Variants in ST3GAL3 observed in about 807,000 individuals in gnomAD.
ST3GAL3 encodes CMP-N-acetylneuraminate-beta-1,4-galactoside alpha-2,3-sialyltransferase.
A neutral mutation model predicts 50.1 loss-of-function variants in ST3GAL3; 21 were observed. The ratio of observed to expected loss-of-function variants is 0.42; its 90% CI spans 0.30 to 0.60. The LOEUF is 0.60. Among genes scored for constraint, ST3GAL3 ranks in the 20% least tolerant of loss-of-function variants. ST3GAL3 has a pLI of 0.19. For synonymous variants in ST3GAL3, 183 were observed against 190.0 expected (o/e 0.96, Z 0.30); for missense variants, 353 against 489.4 (o/e 0.72, Z 2.63).
At chr1:43,855,479 G>A (rs1396346168) in intron 5 of ST3GAL3, among the ~76,000 whole-genome samples, 1 of 151,988 alleles carries the variant, frequency 6.6e-6, no homozygotes, top group Non-Finnish European at 1.5e-5. Flanking sequence ...TCATGGTGGT[G>A]GGCACCTGTA....
At chr1:43,858,187 C>T (rs2068993261) in intron 5 of ST3GAL3, 12 of 1,289,370 alleles carry the variant, frequency 9.3e-6, no homozygotes, top group African/African-American at 1.5e-5. Flanking sequence ...ATATGTGCTC[C>T]GCCAGAGGTG....
chr1:43,917,348 ATTC>A lies in ST3GAL3; in HGVS notation c.745-3052_745-3050del, dbSNP rs1019544294. On this transcript the variant is annotated intron_variant, in intron 9 of 11. Coordinates refer to ENST00000347631, the MANE Select transcript of ST3GAL3 (RefSeq NM_006279.5). ...TACCCATTTTTATGAGGCCTCACTG[ATTC>A]TTCATGAGTTTTTAAAATATGCATT... 9.7e-5 allele frequency among the ~76,000 whole-genome samples: 14 copies of A among 144,916 alleles called. 1 individual carries two copies. The highest frequency in any genetic ancestry group is 3.0e-4 in the Admixed American group (4 of 13,502).
chr1:43,917,404 C>G (rs1374258033), intron 9 of ST3GAL3, among the ~76,000 whole-genome samples: 1 of 126,198 alleles, frequency 7.9e-6, no homozygotes, highest in Non-Finnish European at 1.6e-5. Flanking sequence ...AAATTTTTAC[C>G]ACTTTTTTGT....
At chr1:43,719,865 G>A (rs774826374) in intron 1 of ST3GAL3, among the ~76,000 whole-genome samples, 2 of 148,420 alleles carry the variant, frequency 1.3e-5, no homozygotes, top group Non-Finnish European at 3.0e-5. Flanking sequence ...ACTGAGAGGC[G>A]GAGGTTTCAG....
intron 1 of ST3GAL3, among the ~76,000 whole-genome samples, chr1:43,716,897 G>C (rs1288349081): frequency 6.6e-6 from 1 of 152,180 alleles, no homozygotes; most frequent in Non-Finnish European, 1.5e-5. Flanking sequence ...GGCCTGGGCT[G>C]TTATAATGGC....
chr1:43,725,641 TTTAA>T (rs1021989816), intron 1 of ST3GAL3, among the ~76,000 whole-genome samples: 5 of 152,256 alleles, frequency 3.3e-5, no homozygotes, highest in African/African-American at 9.6e-5. Flanking sequence ...TCTTATTAAA[TTTAA>T]TTAATTAATT....
At chr1:43,924,083 C>T (rs1360335504) in intron 11 of ST3GAL3, among the ~76,000 whole-genome samples, 3 of 152,168 alleles carry the variant, frequency 2.0e-5, no homozygotes, top group African/African-American at 7.2e-5. Flanking sequence ...TTTATTCCAA[C>T]TACCTCAAGT....
At position 43,756,230 on chromosome 1, in the gene ST3GAL3, AAAG is replaced by A. The variant is rs950589481; in HGVS notation, c.118+19851_118+19853del. On this transcript the variant is annotated intron_variant, in intron 2 of 11. Coordinates refer to ENST00000347631, the MANE Select transcript of ST3GAL3 (RefSeq NM_006279.5). ...GAACAAAAGAAATCCTACATTTAAA[AAAG>A]TACATATTGTATGGCACCATGTATG... is the stretch of plus-strand genomic sequence containing the variant. Among the ~76,000 whole-genome samples the A allele has an allele frequency of 7.5e-4, 114 of 152,304 alleles. 1 individual carries two copies. Among genetic ancestry groups the A allele is most frequent in the African/African-American group, 2.6e-3 (110 of 41,576 alleles).
intron 2 of ST3GAL3, among the ~76,000 whole-genome samples, chr1:43,763,926 G>A (rs4660261): frequency 0.69 from 104,988 of 152,078 alleles, 36,588 homozygotes; most frequent in Non-Finnish European, 0.73. Context: ...TTACAACATA[G>A]TGGAACATAA....
intron 3 of ST3GAL3, among the ~76,000 whole-genome samples, chr1:43,813,377 C>T (rs1057411587): frequency 3.3e-5 from 5 of 152,132 alleles, no homozygotes; most frequent in Admixed American, 6.6e-5. Flanking sequence ...TTGTATTTTT[C>T]GTTTTATTTT....
At chr1:43,832,718 T>G (rs1366837004) in intron 4 of ST3GAL3, among the ~76,000 whole-genome samples, 1 of 152,004 alleles carries the variant, frequency 6.6e-6, no homozygotes, top group Non-Finnish European at 1.5e-5. Context: ...AAAAAAAAAT[T>G]AAAGTGAAAA....
At chr1:43,813,436 A>C (rs1573429146) in intron 3 of ST3GAL3, among the ~76,000 whole-genome samples, 1 of 152,032 alleles carries the variant, frequency 6.6e-6, no homozygotes, top group Admixed American at 6.6e-5. Flanking sequence ...TAAGTTCTTG[A>C]TATGTTAAGG....
chr1:43,840,097 T>G (rs2065123414), intron 5 of ST3GAL3: 1 of 151,644 alleles, frequency 6.6e-6, no homozygotes, highest in African/African-American at 2.4e-5. Flanking sequence ...GGTGCGATCT[T>G]GGCTCACTGC....
intron 5 of ST3GAL3, chr1:43,851,710 G>A: frequency 1.6e-6 from 2 of 1,285,130 alleles, no homozygotes; most frequent in East Asian, 2.3e-5. Context: ...CATCCTTGTG[G>A]GCCCTGTTGA....
intron 11 of ST3GAL3, among the ~76,000 whole-genome samples, chr1:43,929,369 A>T (rs1281993943): frequency 6.6e-6 from 1 of 151,544 alleles, no homozygotes; most frequent in Non-Finnish European, 1.5e-5. Flanking sequence ...CAGTGGCGCG[A>T]TCTCGGCTCA....
Position 43,838,154 on chromosome 1 carries a change from A to C in ST3GAL3, c.210-65A>C, listed in dbSNP as rs1193678898. On this transcript the variant is annotated intron_variant, in intron 4 of 11. Transcript: ENST00000347631. Reference sequence around the variant, plus strand: ...AAGGGTTAAACACCTACAGCTCCTTATGAATTAATAACCCACTCAGTGCTC... The same window carrying C: ...AAGGGTTAAACACCTACAGCTCCTTCTGAATTAATAACCCACTCAGTGCTC... 7 of 992,240 alleles carry C rather than the reference A, an allele frequency of 7.1e-6. No individual in the cohort carries two copies. The East Asian group carries it at 1.6e-4, about 23-fold the overall frequency. 61.5% of individuals were successfully genotyped at this position (992,240 alleles called of 1,614,324 possible). A position where few individuals can be genotyped will look rare whatever the true frequency, so the allele number is the denominator to read the frequency against.
At chr1:43,894,545 G>GGCTA in intron 6 of ST3GAL3, 68 bp downstream of exon 6, 2 of 1,421,126 alleles carry the variant, frequency 1.4e-6, no homozygotes, top group South Asian at 2.3e-5. Flanking sequence ...CTTCAGACAA[G>GGCTA]GCTACATCCT....
chr1:43,863,020 A>C (rs2154235885), intron 5 of ST3GAL3, among the ~76,000 whole-genome samples: 1 of 152,332 alleles, frequency 6.6e-6, no homozygotes, highest in African/African-American at 2.4e-5. Flanking sequence ...AGTTGACTCA[A>C]ATAACTGGAT....
At chr1:43,913,304 C>T (rs1237780368) in intron 9 of ST3GAL3, 2 of 152,200 alleles carry the variant, frequency 1.3e-5, no homozygotes, top group East Asian at 1.9e-4. Context: ...TACCAGACCC[C>T]GTGCCAGATG....
Sources: allele counts gnomAD v4.1 joint callset (sites outside exome capture counted in the v4.1 genomes callset), GRCh38; gene constraint gnomAD v4.1.1; transcripts MANE v1.5; gene names NCBI Gene and HGNC (gene_info 2026-07-23, HGNC 2026-07-21).